Variants in CORIN observed in about 807,000 individuals in gnomAD.
CORIN encodes the protein atrial natriuretic peptide-converting enzyme.
In CORIN, 117 loss-of-function variants were observed where a neutral mutation model predicts 125.3. The ratio of observed to expected loss-of-function variants is 0.93; its 90% confidence interval spans 0.80 to 1.09. The LOEUF is 1.09. Ranked by LOEUF, CORIN falls within the 50% of genes least tolerant of loss-of-function variation. CORIN has a pLI of 0.00. For missense variants in CORIN, 1,253 were observed against 1,306.7 expected (o/e 0.96, Z 0.63); for synonymous variants, 450 against 466.4 (o/e 0.96, Z 0.45).
intron 1 of CORIN, among the ~76,000 whole-genome samples, chr4:47,827,368 T>C (rs1732788835): frequency 6.6e-6 from 1 of 152,246 alleles, no homozygotes; most frequent in African/African-American, 2.4e-5. Flanking sequence ...AGCATTTTCA[T>C]TAATACATTC....
intron 5 of CORIN, among the ~76,000 whole-genome samples, chr4:47,708,070 T>C (rs901557094): frequency 6.6e-6 from 1 of 152,174 alleles, no homozygotes; most frequent in African/African-American, 2.4e-5. Flanking sequence ...GAGCTACATA[T>C]CAGAATCTAA....
At chr4:47,602,634 T>TCTC (rs1721490961) in intron 20 of CORIN, among the ~76,000 whole-genome samples, 1 of 151,954 alleles carries the variant, frequency 6.6e-6, no homozygotes, top group Non-Finnish European at 1.5e-5. Flanking sequence ...CAGTGACAGG[T>TCTC]CTCCTCCTGC....
chr4:47,801,968 G>A (rs1451462690), intron 2 of CORIN, among the ~76,000 whole-genome samples: 1 of 152,210 alleles, frequency 6.6e-6, no homozygotes, highest in Non-Finnish European at 1.5e-5. Context: ...TCCAGCAGTG[G>A]GTGTGTGGCA....
chr4:47,623,219 C>T (rs1224231695), intron 19 of CORIN, among the ~76,000 whole-genome samples: 2 of 151,810 alleles, frequency 1.3e-5, no homozygotes, highest in East Asian at 1.9e-4. Flanking sequence ...GCATCCAAAC[C>T]TCATTGTAGT....
intron 5 of CORIN, among the ~76,000 whole-genome samples, chr4:47,693,942 A>G (rs986261557): frequency 4.6e-5 from 7 of 152,228 alleles, no homozygotes; most frequent in African/African-American, 1.2e-4. Context: ...AGTGTGCATA[A>G]TCTTTGACTC....
At chr4:47,597,236 C>T (rs1721288670) in intron 21 of CORIN, among the ~76,000 whole-genome samples, 1 of 151,876 alleles carries the variant, frequency 6.6e-6, no homozygotes, top group South Asian at 2.1e-4. Context: ...CCTGTAATCC[C>T]AGCTACGCTG....
intron 13 of CORIN, among the ~76,000 whole-genome samples, chr4:47,648,584 T>TA (rs1282701426): frequency 6.6e-6 from 1 of 152,128 alleles, no homozygotes; most frequent in African/African-American, 2.4e-5. Flanking sequence ...TGTTTCTCTA[T>TA]AAAAACAGTT....
At chr4:47,769,660 G>A (rs1035678575) in intron 3 of CORIN, among the ~76,000 whole-genome samples, 2 of 151,868 alleles carry the variant, frequency 1.3e-5, no homozygotes. Flanking sequence ...ATGATATTGG[G>A]GTATAAGCAT....
In CORIN at chr4:47,797,772, T is replaced by C. The variant is rs149347339; in HGVS notation, c.208+9131A>G. Among the ~76,000 whole-genome samples the C allele has an allele frequency of 1.9e-3, 290 of 152,196 alleles. 1 individual carries two copies. Among genetic ancestry groups the C allele is most frequent in the African/African-American group, 6.6e-3 (273 of 41,564 alleles). The stretch of plus-strand genomic sequence containing the variant: ...TGAACTTATCACTTATAAAAACACT[T>C]TCACAAACATTTCATTTGACTTCCA... On this transcript the variant is annotated intron_variant, in intron 2 of 21. Transcript: ENST00000273857.
chr4:47,670,328 A>G (rs1374209500), intron 10 of CORIN, among the ~76,000 whole-genome samples: 2 of 152,134 alleles, frequency 1.3e-5, no homozygotes, highest in African/African-American at 2.4e-5. Context: ...TTTTTCACTT[A>G]TTAGAAAATG....
intron 5 of CORIN, among the ~76,000 whole-genome samples, chr4:47,741,465 A>C (rs1045742382): frequency 6.6e-6 from 1 of 152,036 alleles, no homozygotes; most frequent in Admixed American, 6.5e-5. Flanking sequence ...TGGAGCCCTC[A>C]TACATTGTTT....
chr4:47,653,925 C>T (rs1341526429), intron 12 of CORIN, among the ~76,000 whole-genome samples: 6 of 152,234 alleles, frequency 3.9e-5, no homozygotes, highest in Non-Finnish European at 8.8e-5. Context: ...GACAACCCAA[C>T]AATTGCCAGA....
chr4:47,730,987 G>A (rs1345484328), intron 5 of CORIN, among the ~76,000 whole-genome samples: 1 of 152,246 alleles, frequency 6.6e-6, no homozygotes, highest in Non-Finnish European at 1.5e-5. Flanking sequence ...ATCCAAGTGA[G>A]CTGGGCCCGG....
intron 16 of CORIN, among the ~76,000 whole-genome samples, chr4:47,632,757 A>AGATAGATAGATGATAGATAGAT (rs1219555317): frequency 7.3e-6 from 1 of 136,816 alleles, no homozygotes; most frequent in East Asian, 2.0e-4. Flanking sequence ...ATAGATAGAT[A>AGATAGATAGATGATAGATAGAT]GATAGATAGA....
chr4:47,822,388 T>C (rs1362485661), intron 1 of CORIN, among the ~76,000 whole-genome samples: 1 of 152,190 alleles, frequency 6.6e-6, no homozygotes, highest in Non-Finnish European at 1.5e-5. Flanking sequence ...AATGAGAAGA[T>C]TACATTGATA....
At chr4:47,825,697 CTTT>C (rs759495221) in intron 1 of CORIN, among the ~76,000 whole-genome samples, 4 of 134,786 alleles carry the variant, frequency 3.0e-5, no homozygotes, top group Non-Finnish European at 4.8e-5. Context: ...CAAACCACTG[CTTT>C]TTTTTTTTTT....
At chr4:47,631,620 AG>A (rs568619377) in intron 16 of CORIN, among the ~76,000 whole-genome samples, 31 of 152,294 alleles carry the variant, frequency 2.0e-4, no homozygotes, top group African/African-American at 7.0e-4. Flanking sequence ...ATAGAAATAA[AG>A]TGCACAATAA....
chr4:47,696,192 C>T (rs1284761437), intron 5 of CORIN, among the ~76,000 whole-genome samples: 1 of 152,166 alleles, frequency 6.6e-6, no homozygotes, highest in Non-Finnish European at 1.5e-5. Flanking sequence ...AGAGATTTTT[C>T]TACCATAAAT....
intron 21 of CORIN, among the ~76,000 whole-genome samples, chr4:47,596,308 C>CA (rs1721247773): frequency 6.6e-6 from 1 of 151,964 alleles, no homozygotes; most frequent in South Asian, 2.1e-4. Flanking sequence ...AGATCCCCCC[C>CA]ACACACAGTA....
Sources: gnomAD v4.1 joint callset for allele counts (sites outside exome capture counted in the v4.1 genomes callset) on GRCh38, gnomAD v4.1.1 for gene constraint, MANE v1.5 for transcripts, NCBI Gene and HGNC (gene_info 2026-07-23, HGNC 2026-07-21) for gene names.